ABCA1: variants seen among roughly 807,000 people sequenced by gnomAD.
ABCA1 encodes the protein phospholipid-transporting ATPase ABCA1.
In ABCA1, 133 loss-of-function variants were observed where a neutral mutation model predicts 262.5. That is an observed-to-expected ratio of 0.51 (90% CI 0.44 to 0.59). ABCA1 has a LOEUF of 0.59. Among genes scored for constraint, ABCA1 ranks in the 20% least tolerant of loss-of-function variants. The pLI, the probability that ABCA1 is intolerant of heterozygous loss-of-function variation, is 0.00. For synonymous variants in ABCA1, 1,022 were observed against 1,043.5 expected (o/e 0.98, Z 0.40); for missense variants, 2,452 against 2,777.5 (o/e 0.88, Z 2.63).
chr9:104,921,493 A>C (rs1471211565), intron 1 of ABCA1, among the ~76,000 whole-genome samples: 2 of 152,242 alleles, frequency 1.3e-5, no homozygotes, highest in Non-Finnish European at 2.9e-5. Context: ...CATTTTCTTA[A>C]ATCACAGCTG....
At chr9:104,924,540 G>A (rs929808205) in intron 1 of ABCA1, among the ~76,000 whole-genome samples, 23 of 151,588 alleles carry the variant, frequency 1.5e-4, no homozygotes, top group African/African-American at 5.1e-4. Flanking sequence ...AACCTGAGAG[G>A]CGGAAGTTGC....
At chr9:104,926,470 C>CAAAAAAAAAAAA (rs781060719) in intron 1 of ABCA1, among the ~76,000 whole-genome samples, 2 of 118,776 alleles carry the variant, frequency 1.7e-5, no homozygotes, top group South Asian at 2.6e-4. Context: ...ACCAAAAAAA[C>CAAAAAAAAAAAA]AAAAAAAAAA....
At position 104,894,501 on chromosome 9, in the gene ABCA1, A is replaced by G. The variant is rs548736395; in HGVS notation, c.67-5306T>C. Among the ~76,000 whole-genome samples the G allele has an allele frequency of 5.3e-5, 8 of 152,358 alleles. No homozygotes were observed. The South Asian group carries it at 1.7e-3, about 32-fold the overall frequency. On this transcript the variant is annotated intron_variant, in intron 2 of 49. Coordinates refer to ENST00000374736, the MANE Select transcript of ABCA1 (RefSeq NM_005502.4). ...TGTACCAGGGTTGTGAGTGCTTTAT[A>G]CACATTAACTCATTTAATCATCAAA...
At chr9:104,856,231 C>A in intron 7 of ABCA1, 1 of 1,357,704 alleles carries the variant, frequency 7.4e-7, no homozygotes, top group Non-Finnish European at 9.7e-7. Context: ...GTTTGGAAGT[C>A]ATTTCATCCT....
At chr9:104,839,561 CTTTT>C (rs1834182965) in intron 9 of ABCA1, among the ~76,000 whole-genome samples, 1 of 152,010 alleles carries the variant, frequency 6.6e-6, no homozygotes, top group Non-Finnish European at 1.5e-5. Context: ...ACTGTTATTT[CTTTT>C]TATGTTATTA....
chr9:104,921,545 G>C (rs756297624), intron 1 of ABCA1, among the ~76,000 whole-genome samples: 5 of 152,152 alleles, frequency 3.3e-5, no homozygotes, highest in Non-Finnish European at 7.4e-5. Flanking sequence ...TGAAATGTTT[G>C]TTCTACAAAA....
At position 104,899,881 on chromosome 9, in the gene ABCA1, T is replaced by C. The variant is rs574771002; in HGVS notation, c.66+3733A>G. Among the ~76,000 whole-genome samples, 9 of 152,262 alleles carry C rather than the reference T, an allele frequency of 5.9e-5. No homozygotes were observed. The East Asian group carries it at 1.7e-3, about 29-fold the overall frequency. On this transcript the variant is annotated intron_variant, in intron 2 of 49. Transcript: ENST00000374736. ...GATGAGGATCGTGAAAGCTCTGAAG[T>C]TCTCTTCCCCTTCCTGTCCCCAGCC...
intron 7 of ABCA1, among the ~76,000 whole-genome samples, chr9:104,847,951 CAT>C (rs1835041604): frequency 6.6e-6 from 1 of 152,132 alleles, no homozygotes; most frequent in African/African-American, 2.4e-5. Context: ...ATATCTTACA[CAT>C]ATTAACTGGC....
chr9:104,838,453 C>CG (rs1834030514), intron 9 of ABCA1, among the ~76,000 whole-genome samples: 1 of 137,266 alleles, frequency 7.3e-6, no homozygotes, highest in South Asian at 2.3e-4. Flanking sequence ...ACTCAAAATA[C>CG]AAAAAAAAAA....
intron 9 of ABCA1, among the ~76,000 whole-genome samples, chr9:104,839,905 A>G (rs1378379895): frequency 6.6e-6 from 1 of 152,240 alleles, no homozygotes; most frequent in East Asian, 1.9e-4. Flanking sequence ...TGAAACTGAC[A>G]CTTTCTACCT....
intron 1 of ABCA1, among the ~76,000 whole-genome samples, chr9:104,912,665 G>A (rs1398801469): frequency 1.3e-5 from 2 of 152,116 alleles, no homozygotes; most frequent in Non-Finnish European, 1.5e-5. Flanking sequence ...TTCCCCTGCT[G>A]ATTTCCACTA....
At chr9:104,891,172 A>AT (rs1839706594) in intron 2 of ABCA1, among the ~76,000 whole-genome samples, 2 of 151,822 alleles carry the variant, frequency 1.3e-5, no homozygotes, top group African/African-American at 4.8e-5. Flanking sequence ...GGGTGTTTTT[A>AT]TTTATTTATT....
intron 5 of ABCA1, among the ~76,000 whole-genome samples, chr9:104,874,243 A>G (rs1168838400): frequency 1.3e-5 from 2 of 152,252 alleles, no homozygotes; most frequent in Non-Finnish European, 2.9e-5. Flanking sequence ...CCATATCAGA[A>G]AGGCCAAACA....
chr9:104,887,954 TG>T (rs770009234), intron 3 of ABCA1, among the ~76,000 whole-genome samples: 2 of 152,066 alleles, frequency 1.3e-5, no homozygotes, highest in Non-Finnish European at 2.9e-5. Context: ...TTCAAACTCC[TG>T]ACCTCAAGTG....
chr9:104,794,405 C>T lies in ABCA1; in HGVS notation c.5488G>A (p.Asp1830Asn). Residue 1830 changes from aspartate (D) to asparagine (N), a missense_variant, in exon 40 of 50, where the codon GAT becomes AAT. Physicochemically the swap from Asp to Asn is conservative, Grantham distance 23 (BLOSUM62 1). Transcript: ENST00000374736. ...IDMVKNQAMADALERFGENRF... is the reference protein window; with the variant it reads ...IDMVKNQAMANALERFGENRF... Reference sequence around the variant, plus strand: ...CACTCACCAAACCTTTCCAGGGCATCAGCCATTGCCTGGTTTTTCACCATG... The same window carrying T: ...CACTCACCAAACCTTTCCAGGGCATTAGCCATTGCCTGGTTTTTCACCATG... 1.2e-6 allele frequency: 2 copies of T among 1,613,902 alleles called. No homozygotes were observed. Among genetic ancestry groups the T allele is most frequent in the Non-Finnish European group, 1.7e-6 (2 of 1,179,970 alleles).
chr9:104,830,960 C>T lies in ABCA1; in HGVS notation c.1857G>A (p.Met619Ile). 3 of 1,613,816 alleles carry T rather than the reference C, an allele frequency of 1.9e-6. No homozygotes were observed. The highest frequency in any genetic ancestry group is 2.2e-5 in the East Asian group (1 of 44,858). Residue 619 changes from methionine to isoleucine, a missense_variant, in exon 14 of 50, where the codon ATG becomes ATA. Around this residue, in one of 4 missense-constraint regions of ABCA1, gnomAD observed 1,032 missense variants for 1,089.7 expected, o/e 0.95. Coordinates refer to ENST00000374736, the MANE Select transcript of ABCA1 (RefSeq NM_005502.4). ...CGTAACAGGGATAGGGCATCTGTTG[C>T]ATATAGACACCAGTTTTCTTCTCGG... ...TGTEKKTGVY[M>I]QQMPYPCYVD...
intron 5 of ABCA1, among the ~76,000 whole-genome samples, chr9:104,876,116 A>G (rs559346448): frequency 6.6e-6 from 1 of 152,350 alleles, no homozygotes; most frequent in African/African-American, 2.4e-5. Context: ...GCCACACCAT[A>G]GAATCCACAG....
chr9:104,821,059 A>G (rs575379907), intron 20 of ABCA1, among the ~76,000 whole-genome samples: 1 of 152,150 alleles, frequency 6.6e-6, no homozygotes, highest in Non-Finnish European at 1.5e-5. Context: ...CCTGGCCAAC[A>G]TGGTGAAACC....
chr9:104,909,326 G>C (rs1373309888), intron 1 of ABCA1, among the ~76,000 whole-genome samples: 1 of 152,126 alleles, frequency 6.6e-6, no homozygotes, highest in Non-Finnish European at 1.5e-5. Flanking sequence ...CCAGGGATGG[G>C]AAACAGACAA....
Sources: allele counts gnomAD v4.1 joint callset (sites outside exome capture counted in the v4.1 genomes callset), GRCh38; gene constraint gnomAD v4.1.1; regional missense constraint gnomAD v4.1.1; transcripts MANE v1.5; gene names NCBI Gene and HGNC (gene_info 2026-07-23, HGNC 2026-07-21).